Variants in DEDD2 observed in about 807,000 individuals in gnomAD.
DEDD2 encodes the protein DNA-binding death effector domain-containing protein 2.
DEDD2 carries 18 observed loss-of-function variants against 28.9 expected under a neutral mutation model. That is an observed-to-expected ratio of 0.62 (90% CI 0.43 to 0.92). The LOEUF is 0.92. DEDD2 is among the 40% of genes least tolerant of loss of function. DEDD2 has a pLI of 0.00. For synonymous variants in DEDD2, 211 were observed against 206.1 expected (o/e 1.02, Z -0.20); for missense variants, 411 against 463.3 (o/e 0.89, Z 1.04).
chr19:42,215,029 ACAGT>A, intron 3 of DEDD2, 100 bp downstream of exon 3: 1 of 1,466,108 alleles, frequency 6.8e-7, no homozygotes. Flanking sequence ...ACACACACAC[ACAGT>A]GAAAATGAGA....
Position 42,216,908 on chromosome 19 carries a change from C to A in DEDD2, c.100G>T (p.Gly34Cys). 6.3e-7 allele frequency: 1 copy of A among 1,599,698 alleles called. No individual in the cohort carries two copies. ...AGCTCGCACTCGGTCAGTTGCCCGCCCACCACCTCGAACATACGGTGAAGC... is the reference window on the plus strand; with the variant it reads ...AGCTCGCACTCGGTCAGTTGCCCGCACACCACCTCGAACATACGGTGAAGC... ...LSLHRMFEVVGGQLTECELEL... is the reference protein window; with the variant it reads ...LSLHRMFEVVCGQLTECELEL... The change falls in exon 2 of 5, where the codon GGC becomes TGC. Residue 34 changes from glycine (G) to cysteine (C), a missense_variant. Physicochemically the swap from Gly to Cys is radical, Grantham distance 159. Coordinates refer to ENST00000596251, the MANE Select transcript of DEDD2 (RefSeq NM_133328.4).
At chr19:42,210,258 G>A (rs1351073555) in intron 3 of DEDD2, among the ~76,000 whole-genome samples, 1 of 152,180 alleles carries the variant, frequency 6.6e-6, no homozygotes, top group Admixed American at 6.5e-5. Flanking sequence ...TGTCTACAGT[G>A]TGCTGTACTT....
rs745746850 is a variant in DEDD2, at chr19:42,199,648, G to A, written c.771C>T (p.Ser257=). The A allele has an allele frequency of 1.2e-6, 2 of 1,614,030 alleles. No individual in the cohort carries two copies. Among genetic ancestry groups the A allele is most frequent in the Non-Finnish European group, 1.7e-6 (2 of 1,179,994 alleles). ...AGTCGCCCCAGAAGGCGTCCAGATA[G>A]GAGAGCTCTGAGAACTTGATGTCAC... ...VVCDIKFSEL[S]YLDAFWGDYL... Residue 257 remains serine, a synonymous_variant, in exon 5 of 5, where the codon TCC becomes TCT. Coordinates refer to ENST00000596251, the MANE Select transcript of DEDD2 (RefSeq NM_133328.4). This position sits in a 1 kb window ranked among gnomAD's most constrained non-coding sequence, Gnocchi z 7.4.
At chr19:42,212,466 G>GT (rs922815242) in intron 3 of DEDD2, among the ~76,000 whole-genome samples, 212 of 143,266 alleles carry the variant, frequency 1.5e-3, no homozygotes, top group Middle Eastern at 7.3e-3. Context: ...CACCCGGCTC[G>GT]TTTTTTTTTT....
At position 42,199,760 on chromosome 19, in the gene DEDD2, C is replaced by T. The variant is rs745369299; in HGVS notation, c.659G>A (p.Arg220Gln). The change falls in exon 5 of 5, where the codon CGG (arginine) becomes CAG (glutamine). Residue 220 changes from arginine to glutamine, a missense_variant. Around this residue, in one of 2 missense-constraint regions of DEDD2, gnomAD observed 129 missense variants for 189.9 expected, o/e 0.68. Transcript: ENST00000596251. The surrounding 1 kb of genome is among the most constrained non-coding windows in gnomAD (Gnocchi z 7.4). The stretch of plus-strand genomic sequence containing the variant: ...CTGCCGCGCCAGCGCCTGGGGCCGC[C>T]GGGATGCCACGCCCTGCTCCAAGGC... ...GPALEQGVASRRPQALARQLD... is the reference protein window; with the variant it reads ...GPALEQGVASQRPQALARQLD... 5.0e-6 allele frequency: 8 copies of T among 1,611,446 alleles called. No homozygotes were observed. In the Admixed American group the frequency reaches 6.7e-5, roughly 14 times the overall value.
intron 3 of DEDD2, among the ~76,000 whole-genome samples, chr19:42,214,908 T>A (rs1407653621): frequency 1.3e-5 from 2 of 151,668 alleles, no homozygotes; most frequent in African/African-American, 4.9e-5. Flanking sequence ...AGGTGCAGAG[T>A]AATACCCACA....
At chr19:42,205,568 G>A (rs1211062947) in intron 4 of DEDD2, among the ~76,000 whole-genome samples, 2 of 152,000 alleles carry the variant, frequency 1.3e-5, no homozygotes, top group African/African-American at 2.4e-5. Context: ...CAGAGGTTGC[G>A]GTAGGCTGAG....
At chr19:42,204,177 G>A (rs547077992) in intron 4 of DEDD2, among the ~76,000 whole-genome samples, 2 of 152,170 alleles carry the variant, frequency 1.3e-5, no homozygotes, top group East Asian at 3.9e-4. Context: ...GAAGTTCAAG[G>A]GAGCAGGCCC....
intron 4 of DEDD2, among the ~76,000 whole-genome samples, chr19:42,203,502 G>A (rs573806137): frequency 3.4e-4 from 52 of 152,300 alleles, no homozygotes; most frequent in Middle Eastern, 3.4e-3. Context: ...GGAGAAGGGC[G>A]CTAAGGGAGA....
Position 42,209,766 on chromosome 19 carries a change from C to T in DEDD2, c.523G>A (p.Ala175Thr). 1.3e-6 allele frequency: 2 copies of T among 1,598,420 alleles called. No individual in the cohort carries two copies. Among genetic ancestry groups the T allele is most frequent in the Non-Finnish European group, 1.7e-6 (2 of 1,173,476 alleles). ...GACTGCTGCTGGGGTGCGGCTGGGG[C>T]CCCTCTCCGCCGCCGTCTGGCACCA... ...SGGARRRRRG[A>T]PAAPQQQSEP... The change falls in exon 4 of 5, where the codon GCC (alanine) becomes ACC (threonine). Residue 175 changes from alanine (A) to threonine (T), a missense_variant. Physicochemically the swap from Ala to Thr is moderately conservative, Grantham distance 58. Transcript: ENST00000596251.
chr19:42,199,383 C>T lies in DEDD2; in HGVS notation c.*55G>A. 1 of 1,494,114 alleles carries T rather than the reference C, an allele frequency of 6.7e-7. No homozygotes were observed. Among genetic ancestry groups the T allele is most frequent in the Non-Finnish European group, 8.9e-7 (1 of 1,128,776 alleles). The allele number at this position is 1,494,114 out of a possible 1,614,324, so 92.6% of individuals were successfully genotyped here. A position where few individuals can be genotyped will look rare whatever the true frequency, so the allele number is the denominator to read the frequency against. On this transcript the variant is annotated 3_prime_UTR_variant, in exon 5 of 5. Transcript: ENST00000596251. The surrounding 1 kb of genome is among the most constrained non-coding windows in gnomAD (Gnocchi z 7.4). Reference sequence around the variant, plus strand: ...TCTAGGGGTAGAGATGGTCGTCCTCCCAGGAGAAGGTGGCCCGGAGACTTG... The same window carrying T: ...TCTAGGGGTAGAGATGGTCGTCCTCTCAGGAGAAGGTGGCCCGGAGACTTG...
chr19:42,199,116 A>G lies in DEDD2; in HGVS notation c.*322T>C, dbSNP rs530846734. The G allele has an allele frequency of 3.3e-5, 12 of 365,104 alleles. No homozygotes were observed. Among genetic ancestry groups the G allele is most frequent in the Non-Finnish European group, 5.6e-5 (11 of 197,788 alleles). 22.6% of individuals were successfully genotyped at this position (365,104 alleles called of 1,614,324 possible). On this transcript the variant is annotated 3_prime_UTR_variant, in exon 5 of 5. Coordinates refer to ENST00000596251, the MANE Select transcript of DEDD2 (RefSeq NM_133328.4). The surrounding 1 kb of genome is among the most constrained non-coding windows in gnomAD (Gnocchi z 7.4). ...GTGACAGTGCAGACAGCCCAAGATC[A>G]GAGATACAATGTGCAGGGGGGCCTT...
intron 3 of DEDD2, chr19:42,212,058 TAATA>T (rs2146893798): frequency 6.9e-6 from 1 of 144,656 alleles, no homozygotes; most frequent in Non-Finnish European, 1.5e-5. Context: ...ATAATAATAA[TAATA>T]AATTAATTAA....
chr19:42,211,056 T>C (rs1442111120), intron 3 of DEDD2, among the ~76,000 whole-genome samples: 1 of 136,684 alleles, frequency 7.3e-6, no homozygotes, highest in Non-Finnish European at 1.5e-5. Flanking sequence ...GGTGACAGTG[T>C]GAGACCCTGT....
chr19:42,203,653 T>A (rs913754993), intron 4 of DEDD2, among the ~76,000 whole-genome samples: 1 of 152,054 alleles, frequency 6.6e-6, no homozygotes, highest in South Asian at 2.1e-4. Context: ...CATCCGCCCA[T>A]GTGGGGTTAC....
In DEDD2 at chr19:42,212,417, G is replaced by A. The variant is rs896850700; in HGVS notation, c.449-2577C>T. On this transcript the variant is annotated intron_variant, in intron 3 of 4. Coordinates refer to ENST00000596251, the MANE Select transcript of DEDD2 (RefSeq NM_133328.4). ...TTTCTTTGTTTAGAGTGGGGATCTC[G>A]TTCTGTTGCCCGGGCTGGAGTCCAG... 3.3e-4 allele frequency among the ~76,000 whole-genome samples: 50 copies of A among 151,020 alleles called. 2 individuals carry two copies. Among genetic ancestry groups the A allele is most frequent in the Admixed American group, 2.7e-3 (41 of 15,182 alleles).
chr19:42,209,734 G>A lies in DEDD2; in HGVS notation c.555C>T (p.Pro185=), dbSNP rs747993420. 1.5e-5 allele frequency: 24 copies of A among 1,607,422 alleles called. No homozygotes were observed. The highest frequency in any genetic ancestry group is 1.1e-4 in the East Asian group (5 of 43,892). Residue 185 remains proline (P), a synonymous_variant, in exon 4 of 5, where the codon CCC becomes CCT. Transcript: ENST00000596251. ...CTTTGCCTTCAGAGGAAGGTCTGGC[G>A]GGCTCTGACTGCTGCTGGGGTGCGG... The part of the protein sequence containing the change: ...APAAPQQQSE[P]ARPSSEGKVT...
chr19:42,207,951 C>T (rs985489682), intron 4 of DEDD2, among the ~76,000 whole-genome samples: 3 of 152,124 alleles, frequency 2.0e-5, no homozygotes, highest in Non-Finnish European at 2.9e-5. Context: ...CTTCCAGCTT[C>T]CTTGAGCTTG....
intron 3 of DEDD2, among the ~76,000 whole-genome samples, chr19:42,210,866 C>T (rs571126322): frequency 3.0e-4 from 46 of 151,732 alleles, no homozygotes; most frequent in African/African-American, 9.7e-4. Context: ...ATCAGGAGTT[C>T]GAGACCAGTT....
Sources: allele counts gnomAD v4.1 joint callset (sites outside exome capture counted in the v4.1 genomes callset), GRCh38; gene constraint gnomAD v4.1.1; regional missense constraint gnomAD v4.1.1; non-coding constraint Gnocchi (gnomAD v3.1); transcripts MANE v1.5; gene names NCBI Gene and HGNC (gene_info 2026-07-23, HGNC 2026-07-21).